Variants in TCF12 observed in about 807,000 individuals in gnomAD.
The protein encoded by TCF12 is transcription factor 12, also known as DNA-binding protein HTF4.
In TCF12, 45 loss-of-function variants were observed where a neutral mutation model predicts 86.0. That is an observed-to-expected ratio of 0.52 (90% CI 0.41 to 0.67). TCF12 has a LOEUF of 0.67. Among genes scored for constraint, TCF12 ranks in the 30% least tolerant of loss-of-function variants. The probability of loss-of-function intolerance (pLI) is 0.00; values close to 1 mark genes in which losing one functional copy is unlikely to be tolerated. For missense variants in TCF12, 881 were observed against 859.9 expected, an observed-to-expected ratio of 1.02 and a Z score of -0.31; for synonymous variants, 330 against 299.6, an observed-to-expected ratio of 1.10 and a Z score of -1.05.
chr15:57,224,955 G>T (rs1268911851), intron 8 of TCF12, among the ~76,000 whole-genome samples: 1 of 151,988 alleles, frequency 6.6e-6, no homozygotes, highest in Non-Finnish European at 1.5e-5. Context: ...GTAGCAGATT[G>T]GAGTTTATGG....
At chr15:57,197,934 A>C (rs2057353055) in intron 8 of TCF12, 109 bp downstream of exon 8, 2 of 1,077,980 alleles carry the variant, frequency 1.9e-6, no homozygotes. Flanking sequence ...CATACTTTAC[A>C]TAGTAATTGT....
intron 19 of TCF12, chr15:57,281,897 C>A: frequency 7.3e-6 from 1 of 137,496 alleles, no homozygotes; most frequent in Admixed American, 6.4e-5. Context: ...CATCCCTGCC[C>A]CCTTCCCCCC....
rs1277853292 is a variant in TCF12, at chr15:57,262,158, T to C, written c.1532T>C (p.Val511Ala). ...AATCATTCAGTCCTGTCTAGTACAG[T>C]CACTACTTCAAGCACAGACCTGAAC... ...NGNHSVLSST[V>A]TTSSTDLNHK... is the part of the protein sequence containing the mutation. Residue 511 changes from valine (V) to alanine (A), a missense_variant, in exon 17 of 21, where the codon GTC (valine) becomes GCC (alanine). Val to Ala is a moderately conservative substitution (Grantham distance 64). This residue lies in a region of TCF12 where 766 missense variants were observed against 718.9 expected (regional missense o/e 1.07). Coordinates refer to ENST00000333725, the MANE Select transcript of TCF12 (RefSeq NM_207037.2). 1 of 1,613,672 alleles carries C rather than the reference T, an allele frequency of 6.2e-7. No individual in the cohort carries two copies. The highest frequency in any genetic ancestry group is 8.5e-7 in the Non-Finnish European group (1 of 1,179,730).
At chr15:57,049,739 A>G (rs1048551673) in intron 3 of TCF12, among the ~76,000 whole-genome samples, 1 of 152,218 alleles carries the variant, frequency 6.6e-6, no homozygotes, top group Non-Finnish European at 1.5e-5. Context: ...TCTAGGTCAG[A>G]GTTGAGAAGT....
At chr15:57,139,782 AC>A (rs1287405205) in intron 5 of TCF12, among the ~76,000 whole-genome samples, 1 of 152,190 alleles carries the variant, frequency 6.6e-6, no homozygotes, top group Non-Finnish European at 1.5e-5. Context: ...AAGTAATAGT[AC>A]CAAAAAAGCT....
rs148845127 is a variant in TCF12, at chr15:57,118,566, T to C, written c.325+26675T>C. The stretch of plus-strand genomic sequence containing the variant: ...CCCAGTTAACAGAAACCTTCTGAAC[T>C]TGCCTGTGGAAAAATTTTTACCATT... On this transcript the variant is annotated intron_variant, in intron 5 of 20. Coordinates refer to ENST00000333725, the MANE Select transcript of TCF12 (RefSeq NM_207037.2). 2.0e-3 allele frequency: 311 copies of C among 152,326 alleles called. 2 individuals carry two copies. The highest frequency in any genetic ancestry group is 7.2e-3 in the African/African-American group (301 of 41,580). 9.4% of individuals were successfully genotyped at this position (152,326 alleles called of 1,614,324 possible).
intron 5 of TCF12, among the ~76,000 whole-genome samples, chr15:57,125,170 C>A (rs1296770659): frequency 6.6e-6 from 1 of 152,076 alleles, no homozygotes; most frequent in Admixed American, 6.5e-5. Flanking sequence ...CTGACCAGAT[C>A]GTTATGAAAA....
chr15:57,147,748 A>G (rs1295283002), intron 5 of TCF12, among the ~76,000 whole-genome samples: 1 of 152,186 alleles, frequency 6.6e-6, no homozygotes, highest in Non-Finnish European at 1.5e-5. Flanking sequence ...TGATAGTAAA[A>G]TGTAGATAAA....
intron 19 of TCF12, chr15:57,281,909 GC>G (rs5812881): frequency 0.4 from 65,225 of 163,074 alleles, 16,069 homozygotes; most frequent in Non-Finnish European, 0.54. Context: ...CTTCCCCCCA[GC>G]CCCCCGCACC....
intron 3 of TCF12, among the ~76,000 whole-genome samples, chr15:57,051,727 G>C (rs1349696556): frequency 2.0e-5 from 3 of 152,014 alleles, no homozygotes; most frequent in African/African-American, 7.3e-5. Context: ...ATATAGATTT[G>C]GATCTTACCC....
At chr15:56,987,770 T>G (rs2063266134) in intron 3 of TCF12, among the ~76,000 whole-genome samples, 1 of 152,246 alleles carries the variant, frequency 6.6e-6, no homozygotes, top group Non-Finnish European at 1.5e-5. Context: ...TGATGTGTGG[T>G]ATTCTAATTT....
intron 3 of TCF12, among the ~76,000 whole-genome samples, chr15:57,019,523 A>G (rs1420815921): frequency 1.3e-5 from 2 of 152,058 alleles, no homozygotes; most frequent in Non-Finnish European, 2.9e-5. Flanking sequence ...GGTGGCCAGG[A>G]GGATAGGGAA....
chr15:57,076,718 A>T (rs957286505), intron 4 of TCF12, among the ~76,000 whole-genome samples: 23 of 152,110 alleles, frequency 1.5e-4, no homozygotes, highest in African/African-American at 5.1e-4. Flanking sequence ...CCTCGATATT[A>T]CTTAAGAAAT....
intron 18 of TCF12, among the ~76,000 whole-genome samples, chr15:57,264,195 C>CTTTTTTTCT (rs2060729505): frequency 3.9e-5 from 2 of 50,700 alleles, no homozygotes; most frequent in East Asian, 1.7e-3. Flanking sequence ...CTTTTGTAAG[C>CTTTTTTTCT]TTTTTTTTTT....
rs180990679 is a variant in TCF12, at chr15:57,052,021, C to T, written c.149-11729C>T. Among the ~76,000 whole-genome samples, 5 of 152,094 alleles carry T rather than the reference C, an allele frequency of 3.3e-5. No individual in the cohort carries two copies. The East Asian group carries it at 9.7e-4, about 29-fold the overall frequency. On this transcript the variant is annotated intron_variant, in intron 3 of 20. Coordinates refer to ENST00000333725, the MANE Select transcript of TCF12 (RefSeq NM_207037.2). Reference sequence around the variant, plus strand: ...TTAATGGCATGACTTTATGTCTGGACCATACTGTTTTAATTACTAGAGCTT... The same window carrying T: ...TTAATGGCATGACTTTATGTCTGGATCATACTGTTTTAATTACTAGAGCTT...
chr15:57,159,488 C>G (rs1466099817), intron 5 of TCF12, among the ~76,000 whole-genome samples: 1 of 152,178 alleles, frequency 6.6e-6, no homozygotes, highest in Non-Finnish European at 1.5e-5. Flanking sequence ...GGAGGATAGT[C>G]TGCTCATAAA....
intron 6 of TCF12, among the ~76,000 whole-genome samples, chr15:57,187,692 G>T (rs909734056): frequency 6.6e-6 from 1 of 152,140 alleles, no homozygotes. Context: ...AGCACTTTGG[G>T]AGGCTGAGGT....
chr15:57,291,288 T>G (rs745634045), downstream of TCF12, among the ~76,000 whole-genome samples: 3 of 152,094 alleles, frequency 2.0e-5, no homozygotes, highest in Non-Finnish European at 2.9e-5. Flanking sequence ...CTGAATACAA[T>G]GTAAATCCTA....
chr15:57,234,256 T>TA, intron 12 of TCF12, 149 bp downstream of exon 12: 1 of 664,398 alleles, frequency 1.5e-6, no homozygotes. Flanking sequence ...TTTGTATTGA[T>TA]ATATGCCCTT....
Sources: allele counts gnomAD v4.1 joint callset (sites outside exome capture counted in the v4.1 genomes callset), GRCh38; gene constraint gnomAD v4.1.1; regional missense constraint gnomAD v4.1.1; transcripts MANE v1.5; gene names NCBI Gene and HGNC (gene_info 2026-07-23, HGNC 2026-07-21).